The following PCBP3 variants were observed in gnomAD, a reference collection of about 807,000 sequenced individuals.
PCBP3 encodes the protein poly(rC)-binding protein 3.
A neutral mutation model predicts 52.7 loss-of-function variants in PCBP3; 25 were observed. That is an observed-to-expected ratio of 0.47 (90% CI 0.35 to 0.66). PCBP3 has a LOEUF of 0.66. Among genes scored for constraint, PCBP3 ranks in the 30% least tolerant of loss-of-function variants. The pLI, the probability that PCBP3 is intolerant of heterozygous loss-of-function variation, is 0.01. For missense variants in PCBP3, 391 were observed against 490.3 expected, an observed-to-expected ratio of 0.80 and a Z score of 1.91; for synonymous variants, 162 against 183.0, an observed-to-expected ratio of 0.89 and a Z score of 0.93.
intron 4 of PCBP3, among the ~76,000 whole-genome samples, chr21:45,772,215 C>T (rs915627524): frequency 9.2e-5 from 14 of 152,146 alleles, no homozygotes; most frequent in Admixed American, 2.0e-4. Flanking sequence ...TCTCCCCTAA[C>T]CCCCATTCAC....
chr21:45,911,163 A>C, intron 11 of PCBP3, 133 bp downstream of exon 11: 1 of 1,029,486 alleles, frequency 9.7e-7, no homozygotes, highest in Non-Finnish European at 1.5e-6. Context: ...CCTGACCCCA[A>C]GTCAGCCTGA....
chr21:45,941,117 C>T (rs146976941), intron 17 of PCBP3, among the ~76,000 whole-genome samples: 4 of 149,244 alleles, frequency 2.7e-5, no homozygotes, highest in East Asian at 2.0e-4. Context: ...GCTTCTGCCT[C>T]GATCCAGAGC....
chr21:45,808,998 A>C (rs1263524819), intron 4 of PCBP3, among the ~76,000 whole-genome samples: 1 of 152,030 alleles, frequency 6.6e-6, no homozygotes, highest in Non-Finnish European at 1.5e-5. Flanking sequence ...ATGAGAACAC[A>C]TGGACACAGG....
rs2073777797 is a variant in PCBP3, at chr21:45,917,948, C to T, written c.717+319C>T. On this transcript the variant is annotated intron_variant, in intron 13 of 17. Transcript: ENST00000681687. The surrounding 1 kb of genome is among the most constrained non-coding windows in gnomAD (Gnocchi z 5.3). Reference sequence around the variant, plus strand: ...CCGTGCAGGGCAGTGAGGATGTGCTCACCCGCCACAGGCAGGCGTCAGTGA... The same window carrying T: ...CCGTGCAGGGCAGTGAGGATGTGCTTACCCGCCACAGGCAGGCGTCAGTGA... 2.8e-6 allele frequency: 1 copy of T among 360,162 alleles called. No individual in the cohort carries two copies. The highest frequency in any genetic ancestry group is 5.2e-6 in the Non-Finnish European group (1 of 191,930). 22.3% of individuals were successfully genotyped at this position (360,162 alleles called of 1,614,324 possible). A position where few individuals can be genotyped will look rare whatever the true frequency, so the allele number is the denominator to read the frequency against.
At chr21:45,772,866 T>A (rs1330887325) in intron 4 of PCBP3, among the ~76,000 whole-genome samples, 8 of 152,176 alleles carry the variant, frequency 5.3e-5, no homozygotes, top group Non-Finnish European at 1.2e-4. Context: ...TTCTTGGCTG[T>A]TTGTGTGTCT....
chr21:45,868,248 G>T (rs1257927896), intron 5 of PCBP3, among the ~76,000 whole-genome samples: 2 of 152,320 alleles, frequency 1.3e-5, no homozygotes, highest in African/African-American at 4.8e-5. Flanking sequence ...GGCACCTCCC[G>T]GTGTGGGTGC....
At chr21:45,783,561 G>T (rs145833484) in intron 4 of PCBP3, among the ~76,000 whole-genome samples, 3 of 152,304 alleles carry the variant, frequency 2.0e-5, no homozygotes, top group Middle Eastern at 3.4e-3. Context: ...AGTGGCGGTG[G>T]CCTCCCAGAG....
chr21:45,750,795 T>G (rs1267842537), intron 3 of PCBP3: 1 of 152,204 alleles, frequency 6.6e-6, no homozygotes, highest in East Asian at 1.9e-4. Context: ...GTGTCTTTGC[T>G]TCTAACCCTG....
At chr21:45,792,694 G>A (rs1162713901) in intron 4 of PCBP3, among the ~76,000 whole-genome samples, 1 of 152,242 alleles carries the variant, frequency 6.6e-6, no homozygotes, top group Non-Finnish European at 1.5e-5. Flanking sequence ...GATGTTTGTG[G>A]AATCACATCA....
At chr21:45,699,856 C>T (rs753863338) in intron 2 of PCBP3, among the ~76,000 whole-genome samples, 5 of 152,160 alleles carry the variant, frequency 3.3e-5, no homozygotes, top group East Asian at 3.9e-4. Flanking sequence ...GTGGGAGTTT[C>T]GGGACCTACA....
At chr21:45,826,499 T>G (rs907816901) in intron 4 of PCBP3, among the ~76,000 whole-genome samples, 1 of 152,198 alleles carries the variant, frequency 6.6e-6, no homozygotes, top group African/African-American at 2.4e-5. Flanking sequence ...AAGTACTCTG[T>G]GGTGACGTGA....
intron 4 of PCBP3, among the ~76,000 whole-genome samples, chr21:45,767,500 C>G (rs2089457483): frequency 1.3e-5 from 2 of 152,172 alleles, no homozygotes; most frequent in South Asian, 4.1e-4. Flanking sequence ...CATGAACATT[C>G]TTTTACAAGT....
intron 2 of PCBP3, among the ~76,000 whole-genome samples, chr21:45,717,451 A>G (rs1377916077): frequency 1.3e-5 from 2 of 152,138 alleles, no homozygotes; most frequent in Non-Finnish European, 2.9e-5. Context: ...ACTATTGTTC[A>G]TGATGTTAGC....
intron 4 of PCBP3, among the ~76,000 whole-genome samples, chr21:45,848,664 G>T: frequency 6.6e-6 from 1 of 152,118 alleles, no homozygotes; most frequent in Admixed American, 6.5e-5. Context: ...TCATTTCACA[G>T]TTTTTTGTTT....
intron 3 of PCBP3, among the ~76,000 whole-genome samples, chr21:45,754,236 T>A (rs2087814351): frequency 6.6e-6 from 1 of 152,138 alleles, no homozygotes; most frequent in Non-Finnish European, 1.5e-5. Flanking sequence ...AACCTGTATA[T>A]AATATTATAA....
chr21:45,709,554 T>G (rs1310528652), intron 2 of PCBP3, among the ~76,000 whole-genome samples: 1 of 141,476 alleles, frequency 7.1e-6, no homozygotes, highest in African/African-American at 3.0e-5. Context: ...GACGGGGACC[T>G]TTTTTTTTTC....
chr21:45,848,557 C>T (rs543707138), intron 4 of PCBP3, among the ~76,000 whole-genome samples: 4 of 152,348 alleles, frequency 2.6e-5, no homozygotes, highest in African/African-American at 9.6e-5. Context: ...GCCTCACACT[C>T]AGCTGAATCT....
rs976557234 is a variant in PCBP3 at position 45,800,709 on chromosome 21, A to G, written c.-126+45257A>G. On this transcript the variant is annotated intron_variant, in intron 4 of 17. Coordinates refer to ENST00000681687, the MANE Select transcript of PCBP3 (RefSeq NM_001384156.1). The surrounding 1 kb of genome is among the most constrained non-coding windows in gnomAD (Gnocchi z 5.3). ...TGAGCCTGGGTGAGGTGGCCCTCCC[A>G]CCTGGGCCATGTGCCTCACTATGCC... Among the ~76,000 whole-genome samples, 4 of 152,048 alleles carry G rather than the reference A, an allele frequency of 2.6e-5. No individual in the cohort carries two copies. The highest frequency in any genetic ancestry group is 6.6e-5 in the Admixed American group (1 of 15,266).
chr21:45,793,850 G>T (rs1321444216), intron 4 of PCBP3, among the ~76,000 whole-genome samples: 2 of 152,110 alleles, frequency 1.3e-5, no homozygotes, highest in African/African-American at 4.8e-5. Flanking sequence ...AAATTGAAGG[G>T]CAAAGGAAAA....
Sources: gnomAD v4.1 joint callset for allele counts (sites outside exome capture counted in the v4.1 genomes callset) on GRCh38, gnomAD v4.1.1 for gene constraint, Gnocchi (gnomAD v3.1) non-coding constraint, MANE v1.5 for transcripts, NCBI Gene and HGNC (gene_info 2026-07-23, HGNC 2026-07-21) for gene names.